MNAT1: variants seen among roughly 807,000 people sequenced by gnomAD.
The protein encoded by MNAT1 is MNAT1 component of CDK activating kinase.
MNAT1 carries 43 observed loss-of-function variants against 42.0 expected under a neutral mutation model. The observed-to-expected ratio is 1.02, with a 90% CI of 0.80 to 1.32. MNAT1 has a LOEUF of 1.32. MNAT1 is among the 40% of genes most tolerant of loss of function. The pLI is 0.00. For missense variants in MNAT1, 306 were observed against 350.4 expected, an observed-to-expected ratio of 0.87 and a Z score of 1.01; for synonymous variants, 118 against 120.0, an observed-to-expected ratio of 0.98 and a Z score of 0.11.
intron 7 of MNAT1, among the ~76,000 whole-genome samples, chr14:60,904,776 A>G (rs1325057216): frequency 6.6e-6 from 1 of 152,104 alleles, no homozygotes; most frequent in African/African-American, 2.4e-5. Context: ...AATTATTACA[A>G]TAAAATGTTT....
chr14:60,842,970 A>T (rs946660613), intron 6 of MNAT1, among the ~76,000 whole-genome samples: 2 of 152,208 alleles, frequency 1.3e-5, no homozygotes, highest in African/African-American at 4.8e-5. Context: ...ATTTTGCGTC[A>T]TCATGAAGTC....
chr14:60,910,872 T>C (rs1415211665), intron 7 of MNAT1, among the ~76,000 whole-genome samples: 1 of 152,222 alleles, frequency 6.6e-6, no homozygotes, highest in African/African-American at 2.4e-5. Context: ...TCTTTTTCTA[T>C]TGATTGGAAT....
intron 7 of MNAT1, among the ~76,000 whole-genome samples, chr14:60,890,831 G>A (rs909495859): frequency 2.0e-5 from 3 of 152,166 alleles, no homozygotes; most frequent in East Asian, 1.9e-4. Flanking sequence ...TTGAGAATGC[G>A]TCTGCCTCTC....
chr14:60,881,017 A>T (rs1033571492), intron 7 of MNAT1, among the ~76,000 whole-genome samples: 9 of 152,210 alleles, frequency 5.9e-5, no homozygotes, highest in Admixed American at 5.2e-4. Flanking sequence ...GTATCTTTAA[A>T]ATAAATTTAC....
intron 7 of MNAT1, among the ~76,000 whole-genome samples, chr14:60,916,758 A>T (rs2035524298): frequency 6.6e-6 from 1 of 152,144 alleles, no homozygotes; most frequent in African/African-American, 2.4e-5. Context: ...TCCAGATCAG[A>T]CTGGGCAACG....
At chr14:60,832,024 T>A (rs1393615690) in intron 6 of MNAT1, among the ~76,000 whole-genome samples, 1 of 152,202 alleles carries the variant, frequency 6.6e-6, no homozygotes, top group Non-Finnish European at 1.5e-5. Flanking sequence ...TTGATGGGAT[T>A]GTTTGTTTTT....
intron 1 of MNAT1, among the ~76,000 whole-genome samples, chr14:60,778,168 C>T (rs1054430878): frequency 2.0e-5 from 3 of 152,126 alleles, no homozygotes; most frequent in African/African-American, 7.2e-5. Context: ...AATTATTGGT[C>T]AGAGTGAAAT....
At chr14:60,811,334 G>A (rs1196050072) in intron 4 of MNAT1, among the ~76,000 whole-genome samples, 2 of 107,386 alleles carry the variant, frequency 1.9e-5, no homozygotes, top group African/African-American at 3.7e-5. Context: ...ATGGAACCTC[G>A]CCCTGTTGCC....
intron 6 of MNAT1, among the ~76,000 whole-genome samples, chr14:60,819,360 C>T (rs544931273): frequency 6.7e-6 from 1 of 149,488 alleles, no homozygotes; most frequent in African/African-American, 2.4e-5. Flanking sequence ...ATTTTATAAG[C>T]CAATGATGTT....
At chr14:60,940,018 G>A (rs2036106526) in intron 7 of MNAT1, among the ~76,000 whole-genome samples, 1 of 152,186 alleles carries the variant, frequency 6.6e-6, no homozygotes, top group South Asian at 2.1e-4. Flanking sequence ...ATCTTTGTTG[G>A]TTTAAAGTCT....
chr14:60,949,953 T>C (rs1269497628), intron 7 of MNAT1, among the ~76,000 whole-genome samples: 1 of 152,214 alleles, frequency 6.6e-6, no homozygotes, highest in Non-Finnish European at 1.5e-5. Context: ...TTTGCTGCTA[T>C]AGTCACTAGT....
chr14:60,900,265 G>T (rs2035047452), intron 7 of MNAT1, among the ~76,000 whole-genome samples: 3 of 152,170 alleles, frequency 2.0e-5, no homozygotes. Flanking sequence ...ATAGGCAAAA[G>T]CTAGACCTCT....
At chr14:60,924,170 T>G (rs544221820) in intron 7 of MNAT1, among the ~76,000 whole-genome samples, 1 of 152,320 alleles carries the variant, frequency 6.6e-6, no homozygotes, top group South Asian at 2.1e-4. Context: ...TAGATGTTTG[T>G]AAATAAAAAA....
intron 7 of MNAT1, among the ~76,000 whole-genome samples, chr14:60,898,118 TGTGTGTGTGTGTGTGTGTGTGTGC>T (rs1163091267): frequency 6.7e-5 from 5 of 74,990 alleles, no homozygotes; most frequent in Non-Finnish European, 1.2e-4. Flanking sequence ...TGTGTGTGTG[TGTGTGTGTGTGTGTGTGTGTGTGC>T]GCGCGCCACA....
intron 3 of MNAT1, among the ~76,000 whole-genome samples, chr14:60,806,049 A>G (rs2139342752): frequency 6.6e-6 from 1 of 152,306 alleles, no homozygotes; most frequent in South Asian, 2.1e-4. Flanking sequence ...TTATGTTGTC[A>G]TTGGAGTTTT....
intron 1 of MNAT1, among the ~76,000 whole-genome samples, chr14:60,761,273 A>G (rs1300614348): frequency 6.6e-6 from 1 of 152,188 alleles, no homozygotes; most frequent in East Asian, 1.9e-4. Context: ...AGTCAAGTTC[A>G]GATAGTCATC....
intron 7 of MNAT1, among the ~76,000 whole-genome samples, chr14:60,900,064 C>CTCTT (rs2035042392): frequency 6.6e-6 from 1 of 151,622 alleles, no homozygotes; most frequent in South Asian, 2.1e-4. Context: ...CTCTCTCTCT[C>CTCTT]TCTCTCTCTC....
chr14:60,897,427 TATG>T (rs1278260864), intron 7 of MNAT1, among the ~76,000 whole-genome samples: 2 of 152,138 alleles, frequency 1.3e-5, no homozygotes, highest in Non-Finnish European at 2.9e-5. Flanking sequence ...ACTTCTCTAA[TATG>T]ATATTTCAGA....
intron 7 of MNAT1, among the ~76,000 whole-genome samples, chr14:60,967,153 C>T (rs551671354): frequency 1.3e-5 from 2 of 152,200 alleles, no homozygotes; most frequent in East Asian, 3.9e-4. Context: ...ATTTTTTCTA[C>T]TGGACTCTTA....
Sources: gnomAD v4.1 joint callset for allele counts (sites outside exome capture counted in the v4.1 genomes callset) on GRCh38, gnomAD v4.1.1 for gene constraint, MANE v1.5 for transcripts, NCBI Gene and HGNC (gene_info 2026-07-23, HGNC 2026-07-21) for gene names.